Variants in SMOC1 observed in about 807,000 individuals in gnomAD.
The protein encoded by SMOC1 is SPARC related modular calcium binding 1, also known as SPARC-related modular calcium-binding protein 1.
In SMOC1, 22 loss-of-function variants were observed where a neutral mutation model predicts 56.3. That is an observed-to-expected ratio of 0.39 (90% CI 0.28 to 0.56). SMOC1 has a LOEUF of 0.56. SMOC1 is among the 20% of genes least tolerant of loss of function. The pLI is 0.61. For synonymous variants in SMOC1, 193 were observed against 215.0 expected, an observed-to-expected ratio of 0.90 and a Z score of 0.89; for missense variants, 509 against 565.4, an observed-to-expected ratio of 0.90 and a Z score of 1.01.
chr14:69,895,867 CTTTT>C (rs71448303), intron 1 of SMOC1, among the ~76,000 whole-genome samples: 15 of 122,842 alleles, frequency 1.2e-4, no homozygotes, highest in Non-Finnish European at 1.6e-4. Flanking sequence ...CTCTTTTTTT[CTTTT>C]TTTTTTTTTT....
In SMOC1 at chr14:70,023,083, A is replaced by G. The variant is rs1488238751; in HGVS notation, c.1047-120A>G. ...CCACAGGCTGAGCCGCTGTGGGTGG[A>G]CTTTGGCTTGGAGGAGCCGTTTCTA... On this transcript the variant is annotated intron_variant, in intron 10 of 11. Coordinates refer to ENST00000361956, the MANE Select transcript of SMOC1 (RefSeq NM_001034852.3). The G allele has an allele frequency of 3.3e-6, 5 of 1,495,460 alleles. No homozygotes were observed. The African/African-American group carries it at 6.9e-5, about 21-fold the overall frequency. 92.6% of individuals were successfully genotyped at this position (1,495,460 alleles called of 1,614,324 possible). A position where few individuals can be genotyped will look rare whatever the true frequency, so the allele number is the denominator to read the frequency against.
At chr14:70,025,058 C>T (rs1317238121) in intron 11 of SMOC1, among the ~76,000 whole-genome samples, 2 of 152,006 alleles carry the variant, frequency 1.3e-5, no homozygotes, top group African/African-American at 2.4e-5. Context: ...CATGGCTGCT[C>T]ACTGAGATGG....
intron 1 of SMOC1, among the ~76,000 whole-genome samples, chr14:69,912,043 T>C (rs529778416): frequency 1.3e-4 from 20 of 152,350 alleles, no homozygotes; most frequent in Non-Finnish European, 2.5e-4. Context: ...TATGTATTTA[T>C]ATTTATTTTT....
In SMOC1 at chr14:69,997,968, AC is replaced by A. The variant is rs764030164; in HGVS notation, c.664+3492del. On this transcript the variant is annotated intron_variant, in intron 7 of 11. Coordinates refer to ENST00000361956, the MANE Select transcript of SMOC1 (RefSeq NM_001034852.3). ...AAAAGGCTATCCCAGTTTCTTTTAC[AC>A]CCCACACATCCTTTTTTCACACTCA... Among the ~76,000 whole-genome samples, 213 of 152,006 alleles carry A rather than the reference AC, an allele frequency of 1.4e-3. 5 individuals carry two copies. The highest frequency in any genetic ancestry group is 3.4e-3 in the Middle Eastern group (1 of 294).
chr14:69,942,866 A>G (rs751680471), intron 1 of SMOC1, among the ~76,000 whole-genome samples: 8 of 152,258 alleles, frequency 5.3e-5, no homozygotes, highest in Non-Finnish European at 1.2e-4. Context: ...TTGCGTTCTT[A>G]TTAGGGTCTC....
At chr14:70,000,569 G>A (rs977462269) in intron 7 of SMOC1, among the ~76,000 whole-genome samples, 1 of 152,142 alleles carries the variant, frequency 6.6e-6, no homozygotes, top group Admixed American at 6.5e-5. Flanking sequence ...AATTTGAGCG[G>A]GTGCGAGTCA....
chr14:69,996,797 C>CT (rs1402777232), intron 7 of SMOC1, among the ~76,000 whole-genome samples: 1 of 152,206 alleles, frequency 6.6e-6, no homozygotes, highest in Non-Finnish European at 1.5e-5. Flanking sequence ...TCAACTGAGA[C>CT]TTTTTCCATC....
intron 7 of SMOC1, among the ~76,000 whole-genome samples, chr14:70,009,319 T>C (rs150043381): frequency 2.0e-3 from 299 of 152,362 alleles, no homozygotes; most frequent in Non-Finnish European, 3.6e-3. Flanking sequence ...TAGCATTGTT[T>C]TTCTATCATC....
intron 1 of SMOC1, among the ~76,000 whole-genome samples, chr14:69,927,853 G>T (rs116189209): frequency 0.025 from 3,811 of 152,212 alleles, 161 homozygotes; most frequent in African/African-American, 0.085. Flanking sequence ...TGAGCATTCC[G>T]CAGGGACTTT....
At chr14:69,946,330 T>C (rs1333804643) in intron 1 of SMOC1, among the ~76,000 whole-genome samples, 1 of 152,198 alleles carries the variant, frequency 6.6e-6, no homozygotes, top group Non-Finnish European at 1.5e-5. Context: ...TGTTTATGTA[T>C]ATATCAAGTA....
chr14:69,933,575 G>C (rs945503367), intron 1 of SMOC1, among the ~76,000 whole-genome samples: 2 of 152,136 alleles, frequency 1.3e-5, no homozygotes, highest in African/African-American at 4.8e-5. Context: ...TGTTGCCCAG[G>C]CTGGGGTACA....
At chr14:69,904,066 G>A (rs945211363) in intron 1 of SMOC1, among the ~76,000 whole-genome samples, 1 of 152,154 alleles carries the variant, frequency 6.6e-6, no homozygotes, top group Non-Finnish European at 1.5e-5. Flanking sequence ...GGGCCCAGGT[G>A]AAACCAGCAG....
intron 1 of SMOC1, among the ~76,000 whole-genome samples, chr14:69,887,171 A>G (rs148966985): frequency 0.026 from 3,989 of 152,294 alleles, 63 homozygotes; most frequent in Non-Finnish European, 0.033. Context: ...TGACATGCAA[A>G]AATATGGATA....
In SMOC1 at chr14:69,911,725, G is replaced by A. The variant is rs753179301; in HGVS notation, c.99+31948G>A. ...CTGAGTAGTATTCCATGATGTGAAT[G>A]TATCATGGTTTGTTCATGCATTCAC... On this transcript the variant is annotated intron_variant, in intron 1 of 11. Coordinates refer to ENST00000361956, the MANE Select transcript of SMOC1 (RefSeq NM_001034852.3). Among the ~76,000 whole-genome samples, 9 of 152,216 alleles carry A rather than the reference G, an allele frequency of 5.9e-5. 1 individual carries two copies. The highest frequency in any genetic ancestry group is 1.2e-4 in the Non-Finnish European group (8 of 68,036).
chr14:69,927,703 G>A (rs1379622415), intron 1 of SMOC1, among the ~76,000 whole-genome samples: 1 of 152,158 alleles, frequency 6.6e-6, no homozygotes, highest in Non-Finnish European at 1.5e-5. Context: ...GGTGGTAGGA[G>A]GGAAACTTCC....
At chr14:69,914,279 CTG>C (rs2139353059) in intron 1 of SMOC1, among the ~76,000 whole-genome samples, 1 of 152,308 alleles carries the variant, frequency 6.6e-6, no homozygotes, top group African/African-American at 2.4e-5. Flanking sequence ...TATAGGGTCT[CTG>C]TTGCAAATAC....
chr14:69,946,999 C>A (rs1291684253), intron 1 of SMOC1, among the ~76,000 whole-genome samples: 3 of 152,172 alleles, frequency 2.0e-5, no homozygotes, highest in African/African-American at 7.2e-5. Flanking sequence ...AGAAGCAGAG[C>A]AAATGCCAGT....
intron 11 of SMOC1, among the ~76,000 whole-genome samples, chr14:70,025,668 C>T (rs1183513578): frequency 3.3e-5 from 5 of 152,232 alleles, no homozygotes; most frequent in Non-Finnish European, 7.3e-5. Flanking sequence ...ATTACACTTA[C>T]TGGTTGAGCA....
At chr14:70,025,796 A>C (rs1312630817) in intron 11 of SMOC1, among the ~76,000 whole-genome samples, 1 of 152,204 alleles carries the variant, frequency 6.6e-6, no homozygotes, top group East Asian at 1.9e-4. Flanking sequence ...TTCAGTACAA[A>C]TTACTGAACC....
Sources: allele counts gnomAD v4.1 joint callset (sites outside exome capture counted in the v4.1 genomes callset), GRCh38; gene constraint gnomAD v4.1.1; transcripts MANE v1.5; gene names NCBI Gene and HGNC (gene_info 2026-07-23, HGNC 2026-07-21).